CCDC102B: variants seen among roughly 807,000 people sequenced by gnomAD.
CCDC102B encodes coiled-coil domain-containing protein 102B.
In CCDC102B, 75 loss-of-function variants were observed where a neutral mutation model predicts 57.4. The observed-to-expected ratio is 1.31, with a 90% CI of 1.08 to 1.58. The LOEUF is 1.58. CCDC102B is among the 40% of genes most tolerant of loss of function. The pLI is 0.00. For synonymous variants in CCDC102B, 206 were observed against 201.9 expected, an observed-to-expected ratio of 1.02 and a Z score of -0.17; for missense variants, 636 against 582.6, an observed-to-expected ratio of 1.09 and a Z score of -0.94.
intron 2 of CCDC102B, among the ~76,000 whole-genome samples, chr18:68,744,784 A>G (rs2033548010): frequency 6.6e-6 from 1 of 152,204 alleles, no homozygotes; most frequent in Non-Finnish European, 1.5e-5. Flanking sequence ...ACACTGCTTC[A>G]TTATGTGAGC....
At chr18:68,844,414 A>G (rs952690386) in intron 3 of CCDC102B, among the ~76,000 whole-genome samples, 31 of 151,532 alleles carry the variant, frequency 2.0e-4, no homozygotes, top group Non-Finnish European at 2.8e-4. Context: ...AACATATGCC[A>G]TTTGCTTTTT....
chr18:68,952,407 C>A (rs2049724177), intron 6 of CCDC102B, among the ~76,000 whole-genome samples: 1 of 151,918 alleles, frequency 6.6e-6, no homozygotes, highest in Admixed American at 6.6e-5. Context: ...GATGTTGAAG[C>A]CATTTTACCC....
At chr18:68,761,578 C>T (rs1178742614) in intron 2 of CCDC102B, among the ~76,000 whole-genome samples, 1 of 151,406 alleles carries the variant, frequency 6.6e-6, no homozygotes, top group African/African-American at 2.4e-5. Context: ...TTTGTACCTT[C>T]CTGGTGAGGT....
intron 3 of CCDC102B, among the ~76,000 whole-genome samples, chr18:68,842,376 C>A (rs898561548): frequency 1.3e-5 from 2 of 151,966 alleles, no homozygotes; most frequent in Non-Finnish European, 2.9e-5. Context: ...ATTCAATAAA[C>A]CTTTACCATT....
At chr18:68,729,577 G>A (rs1032143623) in intron 2 of CCDC102B, among the ~76,000 whole-genome samples, 1 of 152,158 alleles carries the variant, frequency 6.6e-6, no homozygotes. Flanking sequence ...AGCTTATAAT[G>A]TACTCAGACA....
intron 4 of CCDC102B, among the ~76,000 whole-genome samples, chr18:68,857,292 AT>A (rs1440277117): frequency 1.5e-4 from 1 of 6,810 alleles, no homozygotes; most frequent in Non-Finnish European, 4.1e-4. Context: ...ATATTTATAT[AT>A]TATATATATA....
At chr18:68,765,363 A>AAGAAAG (rs1555698417) in intron 2 of CCDC102B, among the ~76,000 whole-genome samples, 62 of 144,834 alleles carry the variant, frequency 4.3e-4, no homozygotes, top group African/African-American at 1.4e-3. Flanking sequence ...GAAAGAAAGA[A>AAGAAAG]AGAAAGAAAG....
chr18:68,749,443 C>T (rs1470892474), intron 2 of CCDC102B, among the ~76,000 whole-genome samples: 2 of 152,228 alleles, frequency 1.3e-5, no homozygotes, highest in African/African-American at 2.4e-5. Context: ...GTGTCCTCTT[C>T]TATTTCATTG....
intron 2 of CCDC102B, among the ~76,000 whole-genome samples, chr18:68,775,757 G>C (rs899665047): frequency 6.7e-6 from 1 of 148,756 alleles, no homozygotes; most frequent in Non-Finnish European, 1.5e-5. Flanking sequence ...GGGTTCAAGT[G>C]ATTCTCCTGC....
intron 5 of CCDC102B, among the ~76,000 whole-genome samples, chr18:68,879,560 C>G (rs1254490115): frequency 1.3e-5 from 2 of 151,648 alleles, no homozygotes; most frequent in Non-Finnish European, 2.9e-5. Flanking sequence ...TACAGAGTGT[C>G]AACACAAAGG....
intron 7 of CCDC102B, among the ~76,000 whole-genome samples, chr18:69,036,901 T>C (rs537908021): frequency 5.3e-5 from 8 of 152,168 alleles, no homozygotes; most frequent in African/African-American, 1.9e-4. Flanking sequence ...GAATAGTCAG[T>C]ACACATCCTC....
At chr18:68,735,197 G>A (rs560098556) in intron 2 of CCDC102B, among the ~76,000 whole-genome samples, 16 of 149,216 alleles carry the variant, frequency 1.1e-4, no homozygotes, top group East Asian at 4.0e-4. Context: ...GACTACAGGC[G>A]TGCGCCACCA....
At chr18:69,013,755 AATT>A (rs1233118647) in intron 7 of CCDC102B, among the ~76,000 whole-genome samples, 1 of 152,206 alleles carries the variant, frequency 6.6e-6, no homozygotes, top group African/African-American at 2.4e-5. Context: ...CTCAGAAAAG[AATT>A]ATCAAGTTTT....
At chr18:68,803,194 G>C (rs980259706) in intron 1 of CCDC102B, among the ~76,000 whole-genome samples, 3 of 152,086 alleles carry the variant, frequency 2.0e-5, no homozygotes, top group African/African-American at 7.2e-5. Context: ...TGGAAGAAAA[G>C]GAATAGTTCT....
At chr18:68,766,486 GT>G (rs1159273554) in intron 2 of CCDC102B, among the ~76,000 whole-genome samples, 1 of 152,154 alleles carries the variant, frequency 6.6e-6, no homozygotes, top group Non-Finnish European at 1.5e-5. Flanking sequence ...AGGACAATGG[GT>G]TGGCAATGGA....
intron 2 of CCDC102B, among the ~76,000 whole-genome samples, chr18:68,783,844 G>A (rs2035090609): frequency 6.6e-6 from 1 of 152,068 alleles, no homozygotes; most frequent in South Asian, 2.1e-4. Flanking sequence ...ACTATACGGA[G>A]CCTATTATAT....
At chr18:68,755,395 T>C (rs2034011354) in intron 2 of CCDC102B, among the ~76,000 whole-genome samples, 1 of 152,188 alleles carries the variant, frequency 6.6e-6, no homozygotes, top group South Asian at 2.1e-4. Context: ...AAAGTTGTAA[T>C]GGAAGAGAGA....
At chr18:68,828,933 G>A (rs1180024577) in intron 1 of CCDC102B, among the ~76,000 whole-genome samples, 2 of 151,748 alleles carry the variant, frequency 1.3e-5, no homozygotes, top group African/African-American at 4.8e-5. Context: ...CAACTTCTTA[G>A]TGGGTATATT....
At chr18:68,924,425 TG>T (rs1166096605) in intron 6 of CCDC102B, among the ~76,000 whole-genome samples, 1 of 152,070 alleles carries the variant, frequency 6.6e-6, no homozygotes, top group Non-Finnish European at 1.5e-5. Flanking sequence ...GACGGTGTCT[TG>T]CTTCCTCTCT....
Sources: allele counts gnomAD v4.1 joint callset (sites outside exome capture counted in the v4.1 genomes callset), GRCh38; gene constraint gnomAD v4.1.1; transcripts MANE v1.5; gene names NCBI Gene and HGNC (gene_info 2026-07-23, HGNC 2026-07-21).